The following LMO2 variants were observed in gnomAD, a reference collection of about 807,000 sequenced individuals.
The protein encoded by LMO2 is rhombotin-2.
Under a neutral mutation model 23.2 loss-of-function variants are expected in LMO2, and 20 were observed. That is an observed-to-expected ratio of 0.86 (90% CI 0.61 to 1.25). The LOEUF is 1.25. Ranked by LOEUF, LMO2 falls within the 50% of genes most tolerant of loss-of-function variation. The pLI is 0.00. For missense variants in LMO2, 270 were observed against 315.3 expected (o/e 0.86, Z 1.09); for synonymous variants, 123 against 130.2 (o/e 0.94, Z 0.38).
At chr11:33,875,020 A>C (rs1857102924) in intron 2 of LMO2, among the ~76,000 whole-genome samples, 1 of 152,234 alleles carries the variant, frequency 6.6e-6, no homozygotes. Context: ...TTGGAGCAGT[A>C]GGAGTTTGAA....
Position 33,869,432 on chromosome 11 carries a change from G to T in LMO2, c.162C>A (p.Ala54=). 1 of 1,197,652 alleles carries T rather than the reference G, an allele frequency of 8.3e-7. No individual in the cohort carries two copies. Among genetic ancestry groups the T allele is most frequent in the Non-Finnish European group, 1.0e-6 (1 of 960,170 alleles). The allele number at this position is 1,197,652 out of a possible 1,614,324, so 74.2% of individuals were successfully genotyped here. A position where few individuals can be genotyped will look rare whatever the true frequency, so the allele number is the denominator to read the frequency against. Reference sequence around the variant, plus strand: ...CGGGCGGCGGGGGCGCTCCCTTTGTGGCGCGGGGCTGGCCGGCTGCCGGGG... The same window carrying T: ...CGGGCGGCGGGGGCGCTCCCTTTGTTGCGCGGGGCTGGCCGGCTGCCGGGG... ...VRAPAAGQPR[A]TKGAPPPPGT... is the part of the protein sequence containing the mutation. The change falls in exon 4 of 6, where the codon GCC becomes GCA. Residue 54 remains alanine (A), a synonymous_variant. Transcript: ENST00000257818.
chr11:33,887,211 T>C (rs531614959), intron 1 of LMO2, among the ~76,000 whole-genome samples: 4 of 152,346 alleles, frequency 2.6e-5, no homozygotes, highest in African/African-American at 9.6e-5. Flanking sequence ...CCACAAGCCA[T>C]TTTGTAGCTT....
intron 1 of LMO2, among the ~76,000 whole-genome samples, chr11:33,888,246 G>A (rs968846762): frequency 5.3e-5 from 8 of 152,210 alleles, no homozygotes; most frequent in African/African-American, 1.9e-4. Flanking sequence ...TTTGTGGGAT[G>A]CAAATGGCCA....
chr11:33,878,582 C>T (rs1857191907), intron 2 of LMO2, among the ~76,000 whole-genome samples: 1 of 152,224 alleles, frequency 6.6e-6, no homozygotes, highest in Non-Finnish European at 1.5e-5. Context: ...ATAGTAGGTG[C>T]TCAGTAAATG....
chr11:33,888,453 TTC>T (rs939040203), intron 1 of LMO2, among the ~76,000 whole-genome samples: 1 of 152,180 alleles, frequency 6.6e-6, no homozygotes, highest in African/African-American at 2.4e-5. Flanking sequence ...CTGTGTCCCC[TTC>T]TCTTACACTC....
chr11:33,876,549 G>A (rs1857141898), intron 2 of LMO2, among the ~76,000 whole-genome samples: 1 of 152,248 alleles, frequency 6.6e-6, no homozygotes, highest in Non-Finnish European at 1.5e-5. Flanking sequence ...ACTGGGAGAA[G>A]AATAATGGTC....
In LMO2 at chr11:33,860,496, G is replaced by C. The variant is rs150030276; in HGVS notation, c.465-921C>G. Among the ~76,000 whole-genome samples, 166 of 152,300 alleles carry C rather than the reference G, an allele frequency of 1.1e-3. 1 individual carries two copies. Among genetic ancestry groups the C allele is most frequent in the African/African-American group, 3.9e-3 (163 of 41,552 alleles). Reference sequence around the variant, plus strand: ...ACAAATTCTCAGGCTGGGCGCAGTGGCTCACACCTGTAATCCCAACACTTT... The same window carrying C: ...ACAAATTCTCAGGCTGGGCGCAGTGCCTCACACCTGTAATCCCAACACTTT... On this transcript the variant is annotated intron_variant, in intron 5 of 5. Transcript: ENST00000257818.
chr11:33,858,872 GA>G lies in LMO2; in HGVS notation c.*483del, dbSNP rs1856458073. On this transcript the variant is annotated 3_prime_UTR_variant, in exon 6 of 6. Transcript: ENST00000257818. The stretch of plus-strand genomic sequence containing the variant: ...CTTAAGGCCTTGGGAAGGGGGCCAA[GA>G]AAAAAAGAATGGCCACTCTCCTTTC... 3 of 232,478 alleles carry G rather than the reference GA, an allele frequency of 1.3e-5. No homozygotes were observed. Among genetic ancestry groups the G allele is most frequent in the Non-Finnish European group, 2.6e-5 (3 of 117,464 alleles). The allele number at this position is 232,478 out of a possible 1,614,324, so 14.4% of individuals were successfully genotyped here.
At chr11:33,886,199 G>T (rs191882134) in intron 1 of LMO2, among the ~76,000 whole-genome samples, 3 of 152,258 alleles carry the variant, frequency 2.0e-5, no homozygotes, top group Admixed American at 2.0e-4. Context: ...GTCAGATTTG[G>T]GTCATGGAGA....
chr11:33,876,688 T>A (rs953946601), intron 2 of LMO2, among the ~76,000 whole-genome samples: 2 of 152,234 alleles, frequency 1.3e-5, no homozygotes, highest in Non-Finnish European at 2.9e-5. Flanking sequence ...GACTCTCCAC[T>A]GCAGAACCTC....
intron 1 of LMO2, among the ~76,000 whole-genome samples, chr11:33,891,387 ACATG>A (rs1857546545): frequency 4.5e-5 from 2 of 44,142 alleles, no homozygotes; most frequent in Non-Finnish European, 1.1e-4. Flanking sequence ...ACACACACAC[ACATG>A]CACACACACT....
chr11:33,870,351 G>A (rs1026233119), intron 2 of LMO2: 26 of 984,570 alleles, frequency 2.6e-5, no homozygotes, highest in Non-Finnish European at 2.7e-5. Context: ...CTACAGAAAT[G>A]CAAGTGTTCC....
At chr11:33,888,721 T>G (rs1355385175) in intron 1 of LMO2, among the ~76,000 whole-genome samples, 2 of 152,238 alleles carry the variant, frequency 1.3e-5, no homozygotes, top group Non-Finnish European at 2.9e-5. Context: ...TATGTGTACT[T>G]GCTTATTTGA....
intron 1 of LMO2, among the ~76,000 whole-genome samples, chr11:33,889,668 G>A (rs966881306): frequency 1.3e-5 from 2 of 152,238 alleles, no homozygotes; most frequent in Non-Finnish European, 2.9e-5. Context: ...TAGTGGCGAT[G>A]TGGAGAAAAG....
intron 2 of LMO2, among the ~76,000 whole-genome samples, chr11:33,879,459 T>TAA (rs750003431): frequency 1.4e-4 from 18 of 125,486 alleles, no homozygotes; most frequent in African/African-American, 3.7e-4. Flanking sequence ...TGTCTCTACT[T>TAA]AAAAAAAAAA....
Position 33,859,169 on chromosome 11 carries a change from T to C in LMO2, c.*187A>G, listed in dbSNP as rs764070377. 1.8e-6 allele frequency: 1 copy of C among 566,308 alleles called. No homozygotes were observed. Among genetic ancestry groups the C allele is most frequent in the Non-Finnish European group, 3.2e-6 (1 of 314,216 alleles). The allele number at this position is 566,308 out of a possible 1,614,324, so 35.1% of individuals were successfully genotyped here. On this transcript the variant is annotated 3_prime_UTR_variant, in exon 6 of 6. Transcript: ENST00000257818. ...TCAAGGGCTGGTCCTTCTGTCACCTTGAAGTGTCAGCCCCTGAATTATGCC... is the reference window on the plus strand; with the variant it reads ...TCAAGGGCTGGTCCTTCTGTCACCTCGAAGTGTCAGCCCCTGAATTATGCC...
Position 33,870,658 on chromosome 11 carries a change from C to A in LMO2, c.-271-671G>T, listed in dbSNP as rs1856994190. On this transcript the variant is annotated intron_variant, in intron 2 of 5. Transcript: ENST00000257818. ...GGGGCTCCTCTCAGTCGGCTGGTGG[C>A]GGAATCCCCTCCCTCTGCACCTTTC... 1.0e-5 allele frequency: 8 copies of A among 782,952 alleles called. 1 individual carries two copies. In the South Asian group the frequency reaches 4.6e-4, roughly 45 times the overall value. The allele number at this position is 782,952 out of a possible 1,614,324, so 48.5% of individuals were successfully genotyped here.
chr11:33,870,225 A>G, intron 2 of LMO2: 2 of 503,952 alleles, frequency 4.0e-6, no homozygotes, highest in Non-Finnish European at 5.1e-6. Context: ...GGCAACCACT[A>G]AATCATTCTT....
rs546231083 is a variant in LMO2, at chr11:33,866,544, G to A, written c.249-1727C>T. On this transcript the variant is annotated intron_variant, in intron 4 of 5. Transcript: ENST00000257818. Reference sequence around the variant, plus strand: ...CCAGCTACCCAGGAGGCTGAGGTGGGAGGATCATCTGAGCCCAGGAAGTTG... The same window carrying A: ...CCAGCTACCCAGGAGGCTGAGGTGGAAGGATCATCTGAGCCCAGGAAGTTG... Among the ~76,000 whole-genome samples the A allele has an allele frequency of 7.9e-5, 12 of 152,326 alleles. 1 individual carries two copies. In the South Asian group the frequency reaches 2.5e-3, roughly 32 times the overall value.
Sources: gnomAD v4.1 joint callset for allele counts (sites outside exome capture counted in the v4.1 genomes callset) on GRCh38, gnomAD v4.1.1 for gene constraint, MANE v1.5 for transcripts, NCBI Gene and HGNC (gene_info 2026-07-23, HGNC 2026-07-21) for gene names.